The following SHISA9 variants were observed in gnomAD, a reference collection of about 807,000 sequenced individuals.
SHISA9 encodes the protein shisa family member 9, also known as protein shisa-9.
A neutral mutation model predicts 38.0 loss-of-function variants in SHISA9; 13 were observed. The ratio of observed to expected loss-of-function variants is 0.34; its 90% CI spans 0.22 to 0.54. The LOEUF (loss-of-function observed/expected upper bound fraction) is 0.54. Among genes scored for constraint, SHISA9 ranks in the 20% least tolerant of loss-of-function variants. The pLI, the probability that SHISA9 is intolerant of heterozygous loss-of-function variation, is 0.91. For synonymous variants in SHISA9, 275 were observed against 242.0 expected (o/e 1.14, Z -1.27); for missense variants, 538 against 575.8 (o/e 0.93, Z 0.67).
chr16:13,060,141 C>A (rs1169834291), intron 2 of SHISA9, among the ~76,000 whole-genome samples: 2 of 152,176 alleles, frequency 1.3e-5, no homozygotes, highest in Admixed American at 6.5e-5. Flanking sequence ...CCCAGACGGG[C>A]CTGGCTCCAA....
chr16:13,355,297 T>C, the SHISA9 span, among the ~76,000 whole-genome samples: 1 of 151,960 alleles, frequency 6.6e-6, no homozygotes, highest in Non-Finnish European at 1.5e-5. Context: ...TAAAGTGTGC[T>C]GTGGGATGGG....
chr16:13,262,133 T>C, the SHISA9 span, among the ~76,000 whole-genome samples: 3 of 152,316 alleles, frequency 2.0e-5, no homozygotes, highest in East Asian at 5.8e-4. Flanking sequence ...TCCACTATCC[T>C]CAAATGCCCC....
At chr16:13,102,457 A>G (rs2073888101) in intron 2 of SHISA9, among the ~76,000 whole-genome samples, 1 of 152,094 alleles carries the variant, frequency 6.6e-6, no homozygotes, top group Admixed American at 6.5e-5. Context: ...TCTTTCTCTA[A>G]GGGTGAACTC....
At chr16:13,041,259 G>A (rs1418250275) in intron 2 of SHISA9, among the ~76,000 whole-genome samples, 1 of 152,184 alleles carries the variant, frequency 6.6e-6, no homozygotes, top group African/African-American at 2.4e-5. Context: ...TGGGAAAATG[G>A]AGACTGCTTA....
chr16:13,115,544 C>G (rs920001550), intron 2 of SHISA9, among the ~76,000 whole-genome samples: 1 of 152,170 alleles, frequency 6.6e-6, no homozygotes, highest in Non-Finnish European at 1.5e-5. Context: ...TGTTCCTTGC[C>G]CTCATTCCCT....
chr16:13,523,881 G>A, the SHISA9 span, among the ~76,000 whole-genome samples: 1 of 152,110 alleles, frequency 6.6e-6, no homozygotes. Context: ...CATGGCTCTT[G>A]GACTGTTTTA....
the SHISA9 span, among the ~76,000 whole-genome samples, chr16:13,268,346 C>A: frequency 6.6e-6 from 1 of 152,188 alleles, no homozygotes; most frequent in Non-Finnish European, 1.5e-5. Flanking sequence ...CCTGACTTTC[C>A]AAAATATACA....
intron 2 of SHISA9, among the ~76,000 whole-genome samples, chr16:13,002,318 A>G (rs1007547262): frequency 2.0e-5 from 3 of 152,148 alleles, no homozygotes; most frequent in Admixed American, 2.0e-4. Flanking sequence ...ATCCTTTAAT[A>G]TGTGCCAGGC....
chr16:13,426,659 A>C, the SHISA9 span, among the ~76,000 whole-genome samples: 3 of 152,252 alleles, frequency 2.0e-5, no homozygotes, highest in Non-Finnish European at 4.4e-5. Context: ...ACAATACATT[A>C]AGAGGAAGCA....
chr16:13,502,053 AATGGAAGG>A, the SHISA9 span, among the ~76,000 whole-genome samples: 1 of 152,106 alleles, frequency 6.6e-6, no homozygotes, highest in Non-Finnish European at 1.5e-5. Context: ...CAGATGGATG[AATGGAAGG>A]ATGGAAGGAT....
chr16:13,097,741 A>G (rs1446266343), intron 2 of SHISA9, among the ~76,000 whole-genome samples: 1 of 152,088 alleles, frequency 6.6e-6, no homozygotes. Context: ...CTTTGGCGGA[A>G]GTGTCATTCC....
the SHISA9 span, chr16:13,458,405 T>C: frequency 2.7e-6 from 1 of 375,270 alleles, no homozygotes; most frequent in South Asian, 2.2e-5. Flanking sequence ...GCTGTAACGA[T>C]GGGAGCAGGG....
At chr16:13,102,766 G>T (rs1217617841) in intron 2 of SHISA9, among the ~76,000 whole-genome samples, 1 of 152,048 alleles carries the variant, frequency 6.6e-6, no homozygotes, top group Admixed American at 6.5e-5. Context: ...GACTTGTTTT[G>T]TCCCTGTTAA....
At chr16:13,148,080 G>C (rs751607531) in intron 2 of SHISA9, among the ~76,000 whole-genome samples, 1 of 152,234 alleles carries the variant, frequency 6.6e-6, no homozygotes, top group South Asian at 2.1e-4. Context: ...CTCTGCAACT[G>C]TCTTTCCTGG....
At chr16:13,143,875 G>T (rs1166757967) in intron 2 of SHISA9, among the ~76,000 whole-genome samples, 1 of 152,082 alleles carries the variant, frequency 6.6e-6, no homozygotes, top group African/African-American at 2.4e-5. Context: ...GACCATGGTG[G>T]GGATATTTAC....
At chr16:13,426,838 C>G in the SHISA9 span, among the ~76,000 whole-genome samples, 1 of 152,234 alleles carries the variant, frequency 6.6e-6, no homozygotes, top group Non-Finnish European at 1.5e-5. Flanking sequence ...AAACACTTCT[C>G]AGCTGCAAGT....
the SHISA9 span, among the ~76,000 whole-genome samples, chr16:13,360,499 C>T: frequency 6.6e-6 from 1 of 152,156 alleles, no homozygotes; most frequent in African/African-American, 2.4e-5. Flanking sequence ...TTATAATGGG[C>T]TTCCCCCTTC....
chr16:13,262,679 A>AGGGAGGGAGGGAGGAAGGAT, the SHISA9 span, among the ~76,000 whole-genome samples: 1 of 104,550 alleles, frequency 9.6e-6, no homozygotes, highest in African/African-American at 3.4e-5. Flanking sequence ...GAAGGGAGGG[A>AGGGAGGGAGGGAGGAAGGAT]GGAAGGAAGG....
chr16:13,558,818 T>A, the SHISA9 span, among the ~76,000 whole-genome samples: 3 of 152,232 alleles, frequency 2.0e-5, no homozygotes, highest in Admixed American at 6.5e-5. Flanking sequence ...TGAAACAAGA[T>A]GGCAGAGTGT....
Sources: allele counts gnomAD v4.1 joint callset (sites outside exome capture counted in the v4.1 genomes callset), GRCh38; gene constraint gnomAD v4.1.1; transcripts MANE v1.5; gene names NCBI Gene and HGNC (gene_info 2026-07-23, HGNC 2026-07-21).